HECTD2: variants seen among roughly 807,000 people sequenced by gnomAD.
HECTD2 encodes the protein probable E3 ubiquitin-protein ligase HECTD2.
Under a neutral mutation model 103.2 loss-of-function variants are expected in HECTD2, and 35 were observed. The observed-to-expected ratio is 0.34, with a 90% CI of 0.26 to 0.45. HECTD2 has a LOEUF of 0.45. Among genes scored for constraint, HECTD2 ranks in the 20% least tolerant of loss-of-function variants. The pLI, the probability that HECTD2 is intolerant of heterozygous loss-of-function variation, is 1.00. For synonymous variants in HECTD2, 281 were observed against 329.9 expected (o/e 0.85, Z 1.61); for missense variants, 596 against 937.4 (o/e 0.64, Z 4.76).
At chr10:91,459,354 G>A (rs1488693384) in intron 2 of HECTD2, among the ~76,000 whole-genome samples, 3 of 151,810 alleles carry the variant, frequency 2.0e-5, no homozygotes, top group Non-Finnish European at 4.4e-5. Context: ...AAAGAAATGA[G>A]GAATTATTTT....
intron 6 of HECTD2, 72 bp downstream of exon 6, chr10:91,478,337 A>G (rs1223202898): frequency 1.1e-6 from 1 of 883,978 alleles, no homozygotes; most frequent in Non-Finnish European, 1.9e-6. Flanking sequence ...TCTTTAACAC[A>G]TGTGTATGTA....
chr10:91,445,351 A>G (rs1589489452), intron 2 of HECTD2, among the ~76,000 whole-genome samples: 1 of 152,164 alleles, frequency 6.6e-6, no homozygotes, highest in Non-Finnish European at 1.5e-5. Context: ...GCCACTAGAG[A>G]GGAAATAGTG....
At chr10:91,424,698 C>G (rs1189351648) in intron 1 of HECTD2, among the ~76,000 whole-genome samples, 2 of 152,104 alleles carry the variant, frequency 1.3e-5, no homozygotes, top group East Asian at 3.9e-4. Context: ...TAGAAGATTG[C>G]TATTACCTGT....
intron 2 of HECTD2, among the ~76,000 whole-genome samples, chr10:91,459,749 G>A (rs1235986437): frequency 6.6e-6 from 1 of 152,074 alleles, no homozygotes; most frequent in Non-Finnish European, 1.5e-5. Context: ...TATGACAGTA[G>A]TCCCCTAGAT....
At position 91,496,372 on chromosome 10, in the gene HECTD2, T is replaced by TGTAA; in HGVS notation, c.1680+4_1680+7dup. 6.2e-7 allele frequency: 1 copy of TGTAA among 1,603,704 alleles called. No individual in the cohort carries two copies. The highest frequency in any genetic ancestry group is 8.5e-7 in the Non-Finnish European group (1 of 1,172,786). On this transcript the variant is annotated frameshift_variant and splice_region_variant. Coordinates refer to ENST00000298068, the MANE Select transcript of HECTD2 (RefSeq NM_182765.6). LOFTEE classifies it high-confidence loss of function. Reference sequence around the variant, plus strand: ...TGGACGACTTATGTCAAATTATGCCTGTAAGTATAAAGTTATTAATATCTT... The same window carrying TGTAA: ...TGGACGACTTATGTCAAATTATGCCTGTAAGTAAGTATAAAGTTATTAATATCTT...
In HECTD2 at chr10:91,512,651, C is replaced by T. The variant is rs1453528793; in HGVS notation, c.*267C>T. ...CTCTTTTATATAGCACTTTATCATT[C>T]TCCACAAGTAGTTTGTCACAGGCAT... On this transcript the variant is annotated 3_prime_UTR_variant, in exon 21 of 21. Coordinates refer to ENST00000298068, the MANE Select transcript of HECTD2 (RefSeq NM_182765.6). 3.0e-6 allele frequency: 1 copy of T among 336,766 alleles called. No homozygotes were observed. Among genetic ancestry groups the T allele is most frequent in the African/African-American group, 2.1e-5 (1 of 48,446 alleles). 20.9% of individuals were successfully genotyped at this position (336,766 alleles called of 1,614,324 possible).
intron 2 of HECTD2, among the ~76,000 whole-genome samples, chr10:91,445,856 G>C (rs1407147128): frequency 6.6e-6 from 1 of 152,154 alleles, no homozygotes; most frequent in Non-Finnish European, 1.5e-5. Flanking sequence ...CTCCGGCCCA[G>C]ATACTACACT....
At chr10:91,421,598 G>T (rs1769512206) in intron 1 of HECTD2, among the ~76,000 whole-genome samples, 1 of 152,178 alleles carries the variant, frequency 6.6e-6, no homozygotes, top group African/African-American at 2.4e-5. Flanking sequence ...GCACCCTGGG[G>T]GCTGTGGGTT....
At chr10:91,466,013 T>C (rs1420440638) in intron 5 of HECTD2, among the ~76,000 whole-genome samples, 2 of 152,192 alleles carry the variant, frequency 1.3e-5, no homozygotes, top group African/African-American at 4.8e-5. Flanking sequence ...ATTGGTATCA[T>C]TTATTTTTTA....
At chr10:91,428,857 A>C (rs1026825819) in intron 2 of HECTD2, among the ~76,000 whole-genome samples, 1 of 152,034 alleles carries the variant, frequency 6.6e-6, no homozygotes, top group Non-Finnish European at 1.5e-5. Flanking sequence ...TTCCTAATTG[A>C]ATACCCTTTA....
At chr10:91,469,577 C>G (rs991066878) in intron 5 of HECTD2, among the ~76,000 whole-genome samples, 2 of 152,192 alleles carry the variant, frequency 1.3e-5, no homozygotes, top group African/African-American at 4.8e-5. Context: ...TACCACCAAA[C>G]CTGCCTTACA....
intron 11 of HECTD2, among the ~76,000 whole-genome samples, chr10:91,490,503 T>A (rs1846425513): frequency 6.6e-6 from 1 of 152,162 alleles, no homozygotes; most frequent in African/African-American, 2.4e-5. Flanking sequence ...ATCTAAAAAA[T>A]CCTAAGTCCA....
chr10:91,412,390 A>G (rs1223205702), intron 1 of HECTD2, among the ~76,000 whole-genome samples: 2 of 152,198 alleles, frequency 1.3e-5, no homozygotes, highest in Non-Finnish European at 1.5e-5. Flanking sequence ...TAAATCTTGA[A>G]TTAAACTTTG....
chr10:91,422,410 C>T (rs1485134650), intron 1 of HECTD2, among the ~76,000 whole-genome samples: 1 of 152,126 alleles, frequency 6.6e-6, no homozygotes, highest in Non-Finnish European at 1.5e-5. Context: ...ATTTATTATA[C>T]AAGCACGGCT....
At chr10:91,506,249 C>G (rs1847164861) in intron 20 of HECTD2, among the ~76,000 whole-genome samples, 1 of 151,368 alleles carries the variant, frequency 6.6e-6, no homozygotes, top group African/African-American at 2.4e-5. Flanking sequence ...CAAAAGCTAG[C>G]AGAAGGCAAG....
At chr10:91,451,850 T>C (rs1044051669) in intron 2 of HECTD2, among the ~76,000 whole-genome samples, 1 of 152,156 alleles carries the variant, frequency 6.6e-6, no homozygotes, top group Admixed American at 6.6e-5. Flanking sequence ...GATATGCCTG[T>C]GTTTGCATAG....
At chr10:91,489,997 A>T (rs1846407556) in intron 11 of HECTD2, 1 of 152,228 alleles carries the variant, frequency 6.6e-6, no homozygotes, top group Admixed American at 6.5e-5. Context: ...TGGATTTTAT[A>T]TGACAAATGA....
In HECTD2 at chr10:91,461,246, C is replaced by G. The variant is rs1190953864; in HGVS notation, c.408-8C>G. On this transcript the variant is annotated splice_region_variant and splice_polypyrimidine_tract_variant and intron_variant, in intron 3 of 20. Transcript: ENST00000298068. ...TATGTATATACGGTTAATGTGTTTTCATTTTAGGGAAGATGTAGAAAAAGT... is the reference window on the plus strand; with the variant it reads ...TATGTATATACGGTTAATGTGTTTTGATTTTAGGGAAGATGTAGAAAAAGT... 7.6e-7 allele frequency: 1 copy of G among 1,319,706 alleles called. No individual in the cohort carries two copies. Among genetic ancestry groups the G allele is most frequent in the Non-Finnish European group, 1.1e-6 (1 of 945,058 alleles). The allele number at this position is 1,319,706 out of a possible 1,614,324, so 81.7% of individuals were successfully genotyped here.
chr10:91,511,280 A>C (rs1399319495), intron 20 of HECTD2, among the ~76,000 whole-genome samples: 1 of 152,086 alleles, frequency 6.6e-6, no homozygotes, highest in Non-Finnish European at 1.5e-5. Flanking sequence ...TAACAACACT[A>C]TCAGATAGTA....
Sources: allele counts gnomAD v4.1 joint callset (sites outside exome capture counted in the v4.1 genomes callset), GRCh38; gene constraint gnomAD v4.1.1; transcripts MANE v1.5; gene names NCBI Gene and HGNC (gene_info 2026-07-23, HGNC 2026-07-21).